Variants in NINL observed in about 807,000 individuals in gnomAD.
The protein encoded by NINL is ninein-like protein.
Under a neutral mutation model 160.3 loss-of-function variants are expected in NINL, and 153 were observed. The observed-to-expected ratio is 0.95, with a 90% CI of 0.84 to 1.09. The LOEUF (loss-of-function observed/expected upper bound fraction) is 1.09, where lower values mean the gene tolerates loss of function less well. Ranked by LOEUF, NINL falls within the 50% of genes least tolerant of loss-of-function variation. The pLI is 0.00. For missense variants in NINL, 1,829 were observed against 1,764.0 expected, an observed-to-expected ratio of 1.04 and a Z score of -0.66; for synonymous variants, 800 against 734.8, an observed-to-expected ratio of 1.09 and a Z score of -1.43.
At chr20:25,468,005 C>T (rs2062960356) in intron 18 of NINL, among the ~76,000 whole-genome samples, 1 of 152,120 alleles carries the variant, frequency 6.6e-6, no homozygotes, top group African/African-American at 2.4e-5. Flanking sequence ...ACTTTAATCA[C>T]CATGGCAATT....
chr20:25,573,705 T>C (rs1487224313), intron 1 of NINL, among the ~76,000 whole-genome samples: 1 of 152,196 alleles, frequency 6.6e-6, no homozygotes, highest in Admixed American at 6.5e-5. Flanking sequence ...TTGAAGTCCA[T>C]GCCAAACAAA....
At chr20:25,475,790 G>A (rs1346203643) in intron 17 of NINL, among the ~76,000 whole-genome samples, 2 of 152,194 alleles carry the variant, frequency 1.3e-5, no homozygotes, top group Non-Finnish European at 2.9e-5. Context: ...AACCCGGAAG[G>A]TGGGTTCAGG....
At chr20:25,496,585 A>AAC (rs2063758088) in intron 10 of NINL, 78 bp downstream of exon 10, 3 of 1,552,428 alleles carry the variant, frequency 1.9e-6, no homozygotes, top group Admixed American at 3.6e-5. Context: ...GGCCCCTGGC[A>AAC]GCCCTGTGTC....
chr20:25,489,999 G>A lies in NINL; in HGVS notation c.1486-14C>T, dbSNP rs762382834. ...GCGACTGTTTTCCTAGGAGACACAGGCCAGTGGCTCATCAGGCTCCTGCAG... is the reference window on the plus strand; with the variant it reads ...GCGACTGTTTTCCTAGGAGACACAGACCAGTGGCTCATCAGGCTCCTGCAG... On this transcript the variant is annotated splice_polypyrimidine_tract_variant and intron_variant, in intron 11 of 23. Coordinates refer to ENST00000278886, the MANE Select transcript of NINL (RefSeq NM_025176.6). 6.2e-7 allele frequency: 1 copy of A among 1,609,128 alleles called. No homozygotes were observed. Among genetic ancestry groups the A allele is most frequent in the Non-Finnish European group, 8.5e-7 (1 of 1,175,710 alleles).
chr20:25,498,982 C>T, intron 8 of NINL: 3 of 985,470 alleles, frequency 3.0e-6, no homozygotes, highest in Non-Finnish European at 3.6e-6. Context: ...CGGCAGCTAA[C>T]GTTCTGTCGT....
intron 1 of NINL, among the ~76,000 whole-genome samples, chr20:25,532,020 G>A (rs2064473512): frequency 6.6e-6 from 1 of 152,208 alleles, no homozygotes; most frequent in Non-Finnish European, 1.5e-5. Flanking sequence ...ACTGGGGCCT[G>A]CAGAGCCCTG....
intron 12 of NINL, among the ~76,000 whole-genome samples, chr20:25,489,607 C>A (rs1244070996): frequency 6.6e-6 from 1 of 152,146 alleles, no homozygotes; most frequent in African/African-American, 2.4e-5. Context: ...CTAGGTGACA[C>A]CCAGGGAAGG....
intron 7 of NINL, 79 bp downstream of exon 7, chr20:25,503,873 G>C (rs2063913530): frequency 6.5e-7 from 1 of 1,545,388 alleles, no homozygotes; most frequent in South Asian, 1.1e-5. Flanking sequence ...GACACAGGCA[G>C]GGAGGGAGTC....
intron 1 of NINL, among the ~76,000 whole-genome samples, chr20:25,540,742 G>A (rs1406059923): frequency 6.6e-6 from 1 of 152,180 alleles, no homozygotes; most frequent in Non-Finnish European, 1.5e-5. Context: ...CAGCTGAACA[G>A]ACCTCAGTGC....
At chr20:25,479,245 C>T (rs1205670590) in intron 15 of NINL, 39 bp from the exon 16 acceptor site, 1 of 1,554,852 alleles carries the variant, frequency 6.4e-7, no homozygotes, top group African/African-American at 1.4e-5. Flanking sequence ...CCAGGAGACC[C>T]TAAGAATGAT....
chr20:25,484,547 C>T (rs2063469395), intron 13 of NINL, among the ~76,000 whole-genome samples: 1 of 152,210 alleles, frequency 6.6e-6, no homozygotes, highest in Non-Finnish European at 1.5e-5. Context: ...CAGCCGAGGA[C>T]TCTCACTTGC....
chr20:25,512,537 C>T (rs1242526720), intron 4 of NINL, among the ~76,000 whole-genome samples: 1 of 152,186 alleles, frequency 6.6e-6, no homozygotes, highest in Admixed American at 6.5e-5. Context: ...TTGCCTTCCG[C>T]CACGATTGTG....
At chr20:25,496,620 G>A (rs375187881) in intron 10 of NINL, 43 bp downstream of exon 10, 96 of 1,607,334 alleles carry the variant, frequency 6.0e-5, no homozygotes, top group Admixed American at 1.5e-4. Flanking sequence ...AAAGGGGCTG[G>A]GGAGGCCCAG....
chr20:25,469,645 T>C lies in NINL; in HGVS notation c.3353+346A>G, dbSNP rs539126677. On this transcript the variant is annotated intron_variant, in intron 18 of 23. Coordinates refer to ENST00000278886, the MANE Select transcript of NINL (RefSeq NM_025176.6). ...GCACCTCTGACCCCTACAGACACTG[T>C]TGTGGCCTCCCCCAACCCCTAAGTG... Among the ~76,000 whole-genome samples, 10 of 152,206 alleles carry C rather than the reference T, an allele frequency of 6.6e-5. No individual in the cohort carries two copies. The South Asian group carries it at 1.5e-3, about 22-fold the overall frequency.
At chr20:25,555,831 C>T (rs911557858) in intron 1 of NINL, among the ~76,000 whole-genome samples, 1 of 152,174 alleles carries the variant, frequency 6.6e-6, no homozygotes, top group Non-Finnish European at 1.5e-5. Context: ...TGCACCACCA[C>T]GCTTGGGTAA....
chr20:25,513,036 G>T, intron 3 of NINL, 30 bp from the exon 4 acceptor site: 1 of 1,585,744 alleles, frequency 6.3e-7, no homozygotes, highest in East Asian at 2.3e-5. Context: ...TTTGGTGGGG[G>T]TCCTTTATAG....
intron 17 of NINL, 42 bp downstream of exon 17, chr20:25,476,001 T>C: frequency 6.3e-7 from 1 of 1,575,720 alleles, no homozygotes; most frequent in African/African-American, 1.4e-5. Context: ...TCTGCATTTT[T>C]AGTTTGAAGT....
intron 23 of NINL, among the ~76,000 whole-genome samples, chr20:25,455,154 G>A (rs977795268): frequency 6.6e-6 from 1 of 152,134 alleles, no homozygotes; most frequent in Non-Finnish European, 1.5e-5. Flanking sequence ...ATGCCACCTG[G>A]CCTCTGCTGG....
At chr20:25,545,277 G>A (rs1434095446) in intron 1 of NINL, among the ~76,000 whole-genome samples, 1 of 152,176 alleles carries the variant, frequency 6.6e-6, no homozygotes, top group African/African-American at 2.4e-5. Flanking sequence ...TAAAGGAGGA[G>A]TCAGTTCCAC....
Sources: gnomAD v4.1 joint callset for allele counts (sites outside exome capture counted in the v4.1 genomes callset) on GRCh38, gnomAD v4.1.1 for gene constraint, MANE v1.5 for transcripts, NCBI Gene and HGNC (gene_info 2026-07-23, HGNC 2026-07-21) for gene names.